Variants in ANKIB1 observed in about 807,000 individuals in gnomAD.
The protein encoded by ANKIB1 is ankyrin repeat and IBR domain-containing protein 1.
ANKIB1 carries 43 observed loss-of-function variants against 122.1 expected under a neutral mutation model. The ratio of observed to expected loss-of-function variants is 0.35; its 90% CI spans 0.28 to 0.45. ANKIB1 has a LOEUF of 0.45. ANKIB1 is among the 20% of genes least tolerant of loss of function. The pLI is 1.00. For synonymous variants in ANKIB1, 390 were observed against 442.0 expected (o/e 0.88, Z 1.48); for missense variants, 992 against 1,329.5 (o/e 0.75, Z 3.95).
rs28365965 is a variant in ANKIB1, at chr7:92,245,996, C to G, written c.-614C>G. 1 of 234,798 alleles carries G rather than the reference C, an allele frequency of 4.3e-6. No homozygotes were observed. Among genetic ancestry groups the G allele is most frequent in the South Asian group, 4.4e-5 (1 of 22,504 alleles). 14.5% of individuals were successfully genotyped at this position (234,798 alleles called of 1,614,324 possible). A position where few individuals can be genotyped will look rare whatever the true frequency, so the allele number is the denominator to read the frequency against. On this transcript the variant is annotated 5_prime_UTR_variant, in exon 1 of 20. Transcript: ENST00000265742. The stretch of plus-strand genomic sequence containing the variant: ...TCCGGGTCGGCGGCCGGGCTGCTGC[C>G]GTTCCTGCTCCTTTTCACTGGACCT...
Position 92,391,347 on chromosome 7 carries a change from A to G in ANKIB1, c.2231+3A>G. On this transcript the variant is annotated splice_donor_region_variant and intron_variant, in intron 16 of 19. Coordinates refer to ENST00000265742, the MANE Select transcript of ANKIB1 (RefSeq NM_019004.2). ...TCACCAGAAGCTCCAAGGCGCAGGT[A>G]AAAAGGACGTACACTGTGGAAATCA... The G allele has an allele frequency of 6.2e-7, 1 of 1,610,094 alleles. No individual in the cohort carries two copies.
intron 1 of ANKIB1, among the ~76,000 whole-genome samples, chr7:92,287,778 G>A (rs1047608588): frequency 3.3e-5 from 5 of 152,176 alleles, no homozygotes; most frequent in African/African-American, 7.2e-5. Flanking sequence ...GCTCATGCCT[G>A]TAATCCCAGC....
chr7:92,392,475 A>G (rs1256346939), intron 17 of ANKIB1, among the ~76,000 whole-genome samples, 183 bp downstream of exon 17: 1 of 152,132 alleles, frequency 6.6e-6, no homozygotes, highest in Non-Finnish European at 1.5e-5. Flanking sequence ...ATATCGTCAC[A>G]TTGTTAAATG....
chr7:92,325,337 C>T (rs1297924319), intron 4 of ANKIB1, among the ~76,000 whole-genome samples: 1 of 152,226 alleles, frequency 6.6e-6, no homozygotes, highest in Admixed American at 6.5e-5. Context: ...CTCTTCTCTG[C>T]AGAAGCTGCT....
chr7:92,363,223 C>T (rs530842552), intron 10 of ANKIB1, among the ~76,000 whole-genome samples: 11 of 152,106 alleles, frequency 7.2e-5, no homozygotes, highest in South Asian at 2.1e-4. Flanking sequence ...CCATCCTGGC[C>T]AACATGGTGA....
chr7:92,271,300 T>C (rs28529240), intron 1 of ANKIB1, among the ~76,000 whole-genome samples: 3,664 of 152,300 alleles, frequency 0.024, 159 homozygotes, highest in African/African-American at 0.084. Flanking sequence ...TTCTGAATTC[T>C]TTTCTGTTGT....
chr7:92,311,000 C>T (rs896814884), intron 3 of ANKIB1, among the ~76,000 whole-genome samples: 5 of 152,024 alleles, frequency 3.3e-5, no homozygotes, highest in Middle Eastern at 3.2e-3. Flanking sequence ...CTTTGATGAA[C>T]GGGAAAGGCT....
At chr7:92,286,474 T>C (rs1802125834) in intron 1 of ANKIB1, among the ~76,000 whole-genome samples, 1 of 147,652 alleles carries the variant, frequency 6.8e-6, no homozygotes, top group Admixed American at 6.8e-5. Context: ...TAGGATATTA[T>C]CCGTATTTTT....
chr7:92,368,736 G>GT (rs1226367990), intron 10 of ANKIB1, among the ~76,000 whole-genome samples: 1 of 151,682 alleles, frequency 6.6e-6, no homozygotes, highest in Admixed American at 6.6e-5. Flanking sequence ...AAAAAAAAAT[G>GT]TATGTATAAG....
At chr7:92,291,702 G>A (rs1585091587) in intron 1 of ANKIB1, among the ~76,000 whole-genome samples, 1 of 151,176 alleles carries the variant, frequency 6.6e-6, no homozygotes, top group East Asian at 2.0e-4. Context: ...GCAGCCGCCT[G>A]ATTAGCTGGT....
Position 92,307,582 on chromosome 7 carries a change from ATTGATGCTG to A in ANKIB1, c.418_426del (p.Ala140_Asp142del). The A allele has an allele frequency of 6.2e-7, 1 of 1,613,728 alleles. No individual in the cohort carries two copies. Among genetic ancestry groups the A allele is most frequent in the Non-Finnish European group, 8.5e-7 (1 of 1,179,860 alleles). ...CCAGGGTGAATATGAGAGAGCAGCTATTGATGCTGTTGATAACAAAAAAAACACACCCTT... is the reference window on the plus strand; with the variant it reads ...CCAGGGTGAATATGAGAGAGCAGCTATTGATAACAAAAAAAACACACCCTT... On this transcript the variant is annotated inframe_deletion, in exon 3 of 20. Transcript: ENST00000265742.
chr7:92,380,757 A>G (rs1804494611), intron 11 of ANKIB1, among the ~76,000 whole-genome samples: 1 of 152,242 alleles, frequency 6.6e-6, no homozygotes, highest in Admixed American at 6.5e-5. Flanking sequence ...GTAGGTCACC[A>G]TCATCAAAGA....
intron 1 of ANKIB1, among the ~76,000 whole-genome samples, chr7:92,286,036 T>C (rs1264374799): frequency 6.6e-6 from 1 of 152,196 alleles, no homozygotes; most frequent in African/African-American, 2.4e-5. Context: ...CTACTACCCC[T>C]TCACCTATAA....
In ANKIB1 at chr7:92,398,377, C is replaced by T. The variant is rs1485822377; in HGVS notation, c.2698C>T (p.Pro900Ser). 8.1e-6 allele frequency: 13 copies of T among 1,613,020 alleles called. No homozygotes were observed. The highest frequency in any genetic ancestry group is 1.0e-5 in the Non-Finnish European group (12 of 1,179,540). The change falls in exon 20 of 20, where the codon CCC (proline) becomes TCC (serine). Residue 900 changes from proline (P) to serine (S), a missense_variant. Physicochemically the swap from Pro to Ser is moderately conservative, Grantham distance 74. This residue lies in a region of ANKIB1 where 384 missense variants were observed against 412.0 expected (regional missense o/e 0.93). Coordinates refer to ENST00000265742, the MANE Select transcript of ANKIB1 (RefSeq NM_019004.2). ...TTTACCTTCCAGGCTGGACTCTGTC[C>T]CCAGAAATACAGATAGCCCTCGGGC... ...TSLPSRLDSV[P>S]RNTDSPRAAL...
chr7:92,343,575 T>C (rs533261255), intron 6 of ANKIB1, among the ~76,000 whole-genome samples: 1 of 152,266 alleles, frequency 6.6e-6, no homozygotes, highest in African/African-American at 2.4e-5. Context: ...CTCATGCCTA[T>C]AATCCTAGCA....
At chr7:92,366,220 T>C (rs981257738) in intron 10 of ANKIB1, among the ~76,000 whole-genome samples, 3 of 152,214 alleles carry the variant, frequency 2.0e-5, no homozygotes, top group Middle Eastern at 3.4e-3. Flanking sequence ...TATTTTTCTT[T>C]TATTTTCCCC....
At chr7:92,382,191 A>C (rs1361731021) in intron 11 of ANKIB1, among the ~76,000 whole-genome samples, 2 of 152,230 alleles carry the variant, frequency 1.3e-5, no homozygotes, top group African/African-American at 4.8e-5. Flanking sequence ...AGAGCTAACT[A>C]TCCTAAATAT....
intron 6 of ANKIB1, among the ~76,000 whole-genome samples, chr7:92,343,582 A>C (rs902586687): frequency 6.6e-6 from 1 of 152,138 alleles, no homozygotes; most frequent in Non-Finnish European, 1.5e-5. Flanking sequence ...CTATAATCCT[A>C]GCACTTTGGG....
chr7:92,376,190 A>T (rs1804375311), intron 11 of ANKIB1, among the ~76,000 whole-genome samples: 1 of 152,182 alleles, frequency 6.6e-6, no homozygotes, highest in South Asian at 2.1e-4. Flanking sequence ...CATTGGCTTC[A>T]ACTTAAAGTA....
Sources: allele counts gnomAD v4.1 joint callset (sites outside exome capture counted in the v4.1 genomes callset), GRCh38; gene constraint gnomAD v4.1.1; regional missense constraint gnomAD v4.1.1; transcripts MANE v1.5; gene names NCBI Gene and HGNC (gene_info 2026-07-23, HGNC 2026-07-21).